Variants in SUGCT observed in about 807,000 individuals in gnomAD.
The protein encoded by SUGCT is succinyl-CoA:glutarate CoA-transferase.
SUGCT carries 41 observed loss-of-function variants against 55.0 expected under a neutral mutation model. That is an observed-to-expected ratio of 0.74 (90% CI 0.58 to 0.97). The LOEUF is 0.97. SUGCT is among the 50% of genes least tolerant of loss of function. The probability of loss-of-function intolerance (pLI) is 0.00; values close to 1 mark genes in which losing one functional copy is unlikely to be tolerated. For synonymous variants in SUGCT, 187 were observed against 200.4 expected, an observed-to-expected ratio of 0.93 and a Z score of 0.56; for missense variants, 568 against 547.8, an observed-to-expected ratio of 1.04 and a Z score of -0.37.
intron 9 of SUGCT, among the ~76,000 whole-genome samples, chr7:40,339,449 G>T (rs151143851): frequency 0.01 from 1,564 of 152,200 alleles, 16 homozygotes; most frequent in African/African-American, 0.036. Flanking sequence ...GCAATGGTGG[G>T]CGCCCCTCTC....
the SUGCT span, among the ~76,000 whole-genome samples, chr7:41,014,957 A>C: frequency 6.6e-6 from 1 of 152,216 alleles, no homozygotes; most frequent in East Asian, 1.9e-4. Context: ...ATACCCTGGA[A>C]AACCATTCAT....
the SUGCT span, among the ~76,000 whole-genome samples, chr7:40,920,708 T>G: frequency 3.9e-5 from 6 of 152,206 alleles, no homozygotes; most frequent in Non-Finnish European, 8.8e-5. Flanking sequence ...TATTTGTCAA[T>G]GTATCTCTAG....
intron 12 of SUGCT, among the ~76,000 whole-genome samples, chr7:40,637,828 T>C (rs1800088669): frequency 6.6e-6 from 1 of 152,242 alleles, no homozygotes; most frequent in African/African-American, 2.4e-5. Context: ...GAAGATTTTT[T>C]AGTATGAAAG....
At chr7:40,898,418 AGAACT>A in the SUGCT span, among the ~76,000 whole-genome samples, 104 of 137,768 alleles carry the variant, frequency 7.5e-4, no homozygotes, top group Non-Finnish European at 1.5e-3. Context: ...ATCATCTTTA[AGAACT>A]GTAACACTCG....
intron 12 of SUGCT, among the ~76,000 whole-genome samples, chr7:40,726,433 G>C (rs1786615114): frequency 6.6e-6 from 1 of 151,966 alleles, no homozygotes; most frequent in Admixed American, 6.6e-5. Context: ...AGGCTGAGGG[G>C]GGAGCAGAAA....
intron 12 of SUGCT, among the ~76,000 whole-genome samples, chr7:40,666,986 A>C (rs1323675280): frequency 6.6e-6 from 1 of 151,854 alleles, no homozygotes; most frequent in Non-Finnish European, 1.5e-5. Flanking sequence ...GTGGGGTTGC[A>C]CGCCTGTGAT....
chr7:40,239,835 A>G (rs1789258079), intron 7 of SUGCT, among the ~76,000 whole-genome samples: 1 of 152,230 alleles, frequency 6.6e-6, no homozygotes, highest in Admixed American at 6.5e-5. Flanking sequence ...AAGTAAGCTT[A>G]ACTCTCACAC....
chr7:40,810,629 C>G (rs1418827223), intron 13 of SUGCT, among the ~76,000 whole-genome samples: 1 of 151,870 alleles, frequency 6.6e-6, no homozygotes, highest in Non-Finnish European at 1.5e-5. Flanking sequence ...TTTACTTGCT[C>G]AAATGTTTAT....
intron 9 of SUGCT, among the ~76,000 whole-genome samples, chr7:40,369,103 T>TA (rs549369289): frequency 0.015 from 2,187 of 142,436 alleles, 39 homozygotes; most frequent in South Asian, 0.062. Flanking sequence ...GACTCTATCT[T>TA]AAAAAAAAAA....
chr7:40,834,107 T>C (rs1014596791), intron 13 of SUGCT, among the ~76,000 whole-genome samples: 1 of 152,130 alleles, frequency 6.6e-6, no homozygotes, highest in Non-Finnish European at 1.5e-5. Context: ...TTTAACTTTC[T>C]GGGAAAGGTG....
intron 9 of SUGCT, among the ~76,000 whole-genome samples, chr7:40,394,984 T>G (rs1489378034): frequency 2.0e-5 from 3 of 152,226 alleles, no homozygotes; most frequent in African/African-American, 7.2e-5. Flanking sequence ...AAAGCTTTTA[T>G]TTATGGACAC....
Position 40,242,622 on chromosome 7 carries a change from C to T in SUGCT, c.576+4896C>T, listed in dbSNP as rs1201886788. ...GATACCTGCAGAATGATCCTGATGTCTGTTGTATTTGCACCTTGCTTCTGC... is the reference window on the plus strand; with the variant it reads ...GATACCTGCAGAATGATCCTGATGTTTGTTGTATTTGCACCTTGCTTCTGC... On this transcript the variant is annotated intron_variant, in intron 7 of 13. Transcript: ENST00000335693. Among the ~76,000 whole-genome samples the T allele has an allele frequency of 4.0e-5, 6 of 151,756 alleles. No individual in the cohort carries two copies. In the South Asian group the frequency reaches 8.3e-4, roughly 21 times the overall value.
At chr7:40,255,661 A>AC in intron 7 of SUGCT, among the ~76,000 whole-genome samples, 1 of 21,934 alleles carries the variant, frequency 4.6e-5, no homozygotes, top group Non-Finnish European at 1.2e-4. Flanking sequence ...ACTCTGTATC[A>AC]AAAAAAAAAA....
intron 1 of SUGCT, among the ~76,000 whole-genome samples, chr7:40,162,994 A>G (rs1460881033): frequency 6.6e-6 from 1 of 152,214 alleles, no homozygotes; most frequent in Non-Finnish European, 1.5e-5. Flanking sequence ...TCAATACAAT[A>G]AAAACATCTT....
intron 12 of SUGCT, among the ~76,000 whole-genome samples, chr7:40,614,023 A>T (rs777964085): frequency 6.6e-6 from 1 of 152,018 alleles, no homozygotes; most frequent in Non-Finnish European, 1.5e-5. Context: ...TCGTATGTCT[A>T]TGGTTTTTAG....
At chr7:40,583,236 T>G (rs966834277) in intron 12 of SUGCT, among the ~76,000 whole-genome samples, 1 of 152,174 alleles carries the variant, frequency 6.6e-6, no homozygotes, top group East Asian at 1.9e-4. Flanking sequence ...GCCTTTGAAA[T>G]CCTGTCATAA....
At chr7:40,247,228 T>G (rs555040375) in intron 7 of SUGCT, among the ~76,000 whole-genome samples, 1 of 152,218 alleles carries the variant, frequency 6.6e-6, no homozygotes, top group East Asian at 1.9e-4. Flanking sequence ...TTTGAGAGTT[T>G]TAATTATCTG....
chr7:40,576,143 G>T (rs148834035), intron 12 of SUGCT, among the ~76,000 whole-genome samples: 5 of 152,040 alleles, frequency 3.3e-5, no homozygotes, highest in African/African-American at 1.2e-4. Flanking sequence ...AAAATAAGAC[G>T]CATGAAACTT....
intron 1 of SUGCT, among the ~76,000 whole-genome samples, chr7:40,144,530 G>A (rs1208433029): frequency 2.0e-5 from 3 of 152,104 alleles, no homozygotes; most frequent in Non-Finnish European, 4.4e-5. Context: ...GTCCTTCCCA[G>A]GGTGGCTGGA....
Sources: gnomAD v4.1 joint callset for allele counts (sites outside exome capture counted in the v4.1 genomes callset) on GRCh38, gnomAD v4.1.1 for gene constraint, MANE v1.5 for transcripts, NCBI Gene and HGNC (gene_info 2026-07-23, HGNC 2026-07-21) for gene names.